PTPRM: variants seen among roughly 807,000 people sequenced by gnomAD.
PTPRM encodes the protein receptor-type tyrosine-protein phosphatase mu.
In PTPRM, 47 loss-of-function variants were observed where a neutral mutation model predicts 186.7. The observed-to-expected ratio is 0.25, with a 90% CI of 0.20 to 0.32. PTPRM has a LOEUF of 0.32. Ranked by LOEUF, PTPRM falls within the 10% of genes least tolerant of loss-of-function variation. PTPRM has a pLI of 1.00. For synonymous variants in PTPRM, 668 were observed against 674.9 expected, an observed-to-expected ratio of 0.99 and a Z score of 0.16; for missense variants, 1,494 against 1,865.0, an observed-to-expected ratio of 0.80 and a Z score of 3.66.
chr18:7,787,323 A>ACTGT (rs2043138996), intron 2 of PTPRM, among the ~76,000 whole-genome samples: 2 of 152,224 alleles, frequency 1.3e-5, no homozygotes, highest in Non-Finnish European at 2.9e-5. Context: ...GAAGAGATGA[A>ACTGT]CTGTCATAAG....
intron 22 of PTPRM, among the ~76,000 whole-genome samples, chr18:8,321,351 T>C (rs1036572120): frequency 3.9e-5 from 6 of 152,146 alleles, no homozygotes; most frequent in African/African-American, 1.2e-4. Flanking sequence ...ACAGCTAAAG[T>C]AGAGACTGAA....
chr18:8,092,060 A>AT (rs199752648), intron 11 of PTPRM, among the ~76,000 whole-genome samples: 131 of 151,338 alleles, frequency 8.7e-4, no homozygotes, highest in African/African-American at 2.7e-3. Context: ...AATTGATTTG[A>AT]TTTTTTTTTT....
At chr18:8,254,163 G>A (rs761863424) in intron 19 of PTPRM, among the ~76,000 whole-genome samples, 2 of 152,206 alleles carry the variant, frequency 1.3e-5, no homozygotes, top group Non-Finnish European at 2.9e-5. Flanking sequence ...AGCTGTTACT[G>A]TCCAGCCAGC....
intron 11 of PTPRM, among the ~76,000 whole-genome samples, chr18:8,090,775 A>G (rs1471917464): frequency 6.6e-6 from 1 of 152,086 alleles, no homozygotes; most frequent in Non-Finnish European, 1.5e-5. Context: ...TTGTATTTTT[A>G]GTAGAGACAG....
At chr18:7,634,635 C>G (rs2038270422) in intron 1 of PTPRM, among the ~76,000 whole-genome samples, 1 of 152,196 alleles carries the variant, frequency 6.6e-6, no homozygotes, top group African/African-American at 2.4e-5. Context: ...GCATTTATCA[C>G]ATTTCGCCTT....
intron 1 of PTPRM, among the ~76,000 whole-genome samples, chr18:7,773,318 A>G (rs1598629967): frequency 1.3e-5 from 2 of 152,096 alleles, no homozygotes; most frequent in Non-Finnish European, 1.5e-5. Context: ...TTTGGAAAAT[A>G]TTTTGCAAGC....
intron 1 of PTPRM, among the ~76,000 whole-genome samples, chr18:7,658,187 G>A (rs935041918): frequency 2.6e-5 from 4 of 151,608 alleles, no homozygotes; most frequent in Admixed American, 2.0e-4. Context: ...CTCCTGGTCC[G>A]TTCATTCTTA....
chr18:8,123,839 C>T (rs1205814046), intron 13 of PTPRM, among the ~76,000 whole-genome samples: 2 of 152,192 alleles, frequency 1.3e-5, no homozygotes, highest in Admixed American at 6.5e-5. Flanking sequence ...GCCCCAGACT[C>T]ATCAGTACAT....
chr18:8,229,946 C>T (rs974400867), intron 14 of PTPRM, among the ~76,000 whole-genome samples: 5 of 152,204 alleles, frequency 3.3e-5, no homozygotes, highest in Admixed American at 6.5e-5. Context: ...CACCTTTCCT[C>T]ACCAGTGACT....
chr18:7,892,450 A>C (rs1188627896), intron 3 of PTPRM, among the ~76,000 whole-genome samples: 1 of 152,208 alleles, frequency 6.6e-6, no homozygotes, highest in Admixed American at 6.5e-5. Context: ...TTTTCAGTGA[A>C]TTCTTACTTA....
chr18:8,042,245 G>A (rs1476520086), intron 7 of PTPRM, among the ~76,000 whole-genome samples: 1 of 152,080 alleles, frequency 6.6e-6, no homozygotes, highest in Non-Finnish European at 1.5e-5. Context: ...TAACTATTAA[G>A]TATGTACCAA....
intron 1 of PTPRM, among the ~76,000 whole-genome samples, chr18:7,649,585 C>T (rs147830523): frequency 3.3e-5 from 5 of 152,144 alleles, no homozygotes; most frequent in Admixed American, 1.3e-4. Flanking sequence ...TTCCAACCCT[C>T]GTGAATGACT....
chr18:8,355,761 G>T (rs1012381090), intron 23 of PTPRM, among the ~76,000 whole-genome samples: 17 of 152,312 alleles, frequency 1.1e-4, no homozygotes, highest in Non-Finnish European at 2.4e-4. Flanking sequence ...AAAGGGAAAA[G>T]AATATTATAA....
intron 2 of PTPRM, among the ~76,000 whole-genome samples, chr18:7,884,102 C>T (rs1201498219): frequency 1.3e-5 from 2 of 152,078 alleles, no homozygotes; most frequent in African/African-American, 2.4e-5. Context: ...AGCCGTGACT[C>T]TGCCACTGCA....
At chr18:7,752,599 A>G (rs1215246103) in intron 1 of PTPRM, among the ~76,000 whole-genome samples, 1 of 151,308 alleles carries the variant, frequency 6.6e-6, no homozygotes, top group Non-Finnish European at 1.5e-5. Flanking sequence ...AATTTTTTTA[A>G]TTTTTTTATT....
intron 14 of PTPRM, among the ~76,000 whole-genome samples, chr18:8,144,562 C>T (rs2092837234): frequency 6.6e-6 from 1 of 151,976 alleles, no homozygotes; most frequent in Non-Finnish European, 1.5e-5. Context: ...CACTCCATGG[C>T]ACTCCAGCCT....
chr18:8,081,637 A>T (rs2090134562), intron 9 of PTPRM, among the ~76,000 whole-genome samples: 1 of 152,140 alleles, frequency 6.6e-6, no homozygotes, highest in South Asian at 2.1e-4. Flanking sequence ...GTGAATGTCT[A>T]CCATCAGCTC....
In PTPRM at chr18:7,644,625, C is replaced by T. The variant is rs551628201; in HGVS notation, c.73+76734C>T. Among the ~76,000 whole-genome samples the T allele has an allele frequency of 3.3e-5, 5 of 151,664 alleles. No individual in the cohort carries two copies. In the South Asian group the frequency reaches 1.0e-3, roughly 32 times the overall value. On this transcript the variant is annotated intron_variant, in intron 1 of 32. Transcript: ENST00000580170. The stretch of plus-strand genomic sequence containing the variant: ...TATTCCATAAAAACTCAGATGAGTC[C>T]CTTGGAAAGACTAAAAGTGAGCTAT...
At chr18:7,576,259 T>C (rs926993577) in intron 1 of PTPRM, among the ~76,000 whole-genome samples, 2 of 152,214 alleles carry the variant, frequency 1.3e-5, no homozygotes, top group Non-Finnish European at 2.9e-5. Flanking sequence ...TGAATATTCA[T>C]TTTAATCTCT....
Sources: gnomAD v4.1 joint callset for allele counts (sites outside exome capture counted in the v4.1 genomes callset) on GRCh38, gnomAD v4.1.1 for gene constraint, MANE v1.5 for transcripts, NCBI Gene and HGNC (gene_info 2026-07-23, HGNC 2026-07-21) for gene names.